RNLS: variants seen among roughly 807,000 people sequenced by gnomAD.
RNLS encodes the protein renalase.
Under a neutral mutation model 39.8 loss-of-function variants are expected in RNLS, and 39 were observed. That is an observed-to-expected ratio of 0.98 (90% confidence interval 0.76 to 1.28). RNLS has a LOEUF of 1.28. Ranked by LOEUF, RNLS falls within the 50% of genes most tolerant of loss-of-function variation. The probability of loss-of-function intolerance (pLI) is 0.00; values close to 1 mark genes in which losing one functional copy is unlikely to be tolerated. For synonymous variants in RNLS, 147 were observed against 150.7 expected, an observed-to-expected ratio of 0.98 and a Z score of 0.18; for missense variants, 410 against 413.3, an observed-to-expected ratio of 0.99 and a Z score of 0.07.
At chr10:88,235,267 CAA>C in the RNLS span, among the ~76,000 whole-genome samples, 153 of 61,938 alleles carry the variant, frequency 2.5e-3, no homozygotes, top group African/African-American at 8.5e-3. Context: ...GACTCTATCT[CAA>C]AAAAAAAAAA....
At chr10:88,441,029 T>A (rs543593352) in intron 4 of RNLS, among the ~76,000 whole-genome samples, 1 of 152,318 alleles carries the variant, frequency 6.6e-6, no homozygotes, top group South Asian at 2.1e-4. Context: ...ATGAGTCGAG[T>A]TGAGAGAAAT....
intron 4 of RNLS, among the ~76,000 whole-genome samples, chr10:88,464,183 C>G (rs1843084673): frequency 6.6e-6 from 1 of 151,988 alleles, no homozygotes; most frequent in African/African-American, 2.4e-5. Context: ...TAGCTAATAT[C>G]CATGCATTAA....
At chr10:88,391,135 T>C (rs1852172663) in intron 4 of RNLS, among the ~76,000 whole-genome samples, 1 of 152,236 alleles carries the variant, frequency 6.6e-6, no homozygotes, top group African/African-American at 2.4e-5. Flanking sequence ...CAATTCAAAG[T>C]GATTATACAA....
chr10:88,424,904 T>G (rs1409787267), intron 4 of RNLS, among the ~76,000 whole-genome samples: 1 of 152,114 alleles, frequency 6.6e-6, no homozygotes, highest in African/African-American at 2.4e-5. Flanking sequence ...TGGTCATGCT[T>G]TTTTCTTCAT....
intron 4 of RNLS, among the ~76,000 whole-genome samples, chr10:88,427,065 G>T (rs968437376): frequency 6.6e-6 from 1 of 151,924 alleles, no homozygotes; most frequent in Non-Finnish European, 1.5e-5. Context: ...CTCCCCACAG[G>T]TACCATTATT....
intron 4 of RNLS, among the ~76,000 whole-genome samples, chr10:88,411,489 C>G (rs1335804057): frequency 6.6e-6 from 1 of 151,308 alleles, no homozygotes; most frequent in Non-Finnish European, 1.5e-5. Flanking sequence ...TTCATTCACT[C>G]TCACATTTGG....
At position 88,545,479 on chromosome 10, in the gene RNLS, A is replaced by T. The variant is rs753079934; in HGVS notation, c.526+27424T>A. On this transcript the variant is annotated intron_variant, in intron 4 of 6. Coordinates refer to ENST00000331772, the MANE Select transcript of RNLS (RefSeq NM_001031709.3). The stretch of plus-strand genomic sequence containing the variant: ...TACGTGGTGGCAGGCAAGACAGCAT[A>T]TGTACAACTGCCCTTTACAAAACCA... The T allele has an allele frequency of 8.8e-5, 40 of 456,146 alleles. 1 individual carries two copies. Among genetic ancestry groups the T allele is most frequent in the South Asian group, 6.2e-4 (40 of 64,518 alleles). The allele number at this position is 456,146 out of a possible 1,614,324, so 28.3% of individuals were successfully genotyped here. A position where few individuals can be genotyped will look rare whatever the true frequency, so the allele number is the denominator to read the frequency against.
chr10:88,415,068 C>T (rs191290786), intron 4 of RNLS, among the ~76,000 whole-genome samples: 1 of 152,280 alleles, frequency 6.6e-6, no homozygotes, highest in East Asian at 1.9e-4. Flanking sequence ...GCAGACAATG[C>T]TCCTGGCATG....
chr10:88,344,399 AG>A (rs1848172477), intron 5 of RNLS, among the ~76,000 whole-genome samples: 1 of 152,128 alleles, frequency 6.6e-6, no homozygotes, highest in Non-Finnish European at 1.5e-5. Flanking sequence ...CCTTTTGTGG[AG>A]GAAATCTACT....
intron 4 of RNLS, among the ~76,000 whole-genome samples, chr10:88,483,768 G>A (rs1391577100): frequency 6.6e-6 from 1 of 151,126 alleles, no homozygotes; most frequent in Non-Finnish European, 1.5e-5. Context: ...CACATATTTT[G>A]TATTAAAAAA....
chr10:88,466,658 T>C (rs1470541992), intron 4 of RNLS, among the ~76,000 whole-genome samples: 2 of 151,990 alleles, frequency 1.3e-5, no homozygotes, highest in East Asian at 1.9e-4. Context: ...ACAGGAAAAA[T>C]AGCACAGAAC....
At chr10:88,377,547 T>TG (rs986115219) in intron 4 of RNLS, among the ~76,000 whole-genome samples, 2 of 152,202 alleles carry the variant, frequency 1.3e-5, no homozygotes, top group African/African-American at 4.8e-5. Context: ...GTTACTGTAC[T>TG]GAATACTACA....
intron 4 of RNLS, among the ~76,000 whole-genome samples, chr10:88,562,264 GA>G (rs1305978950): frequency 2.0e-5 from 3 of 151,714 alleles, no homozygotes; most frequent in Non-Finnish European, 2.9e-5. Flanking sequence ...ATTTAATAGA[GA>G]AAAAAACTGG....
chr10:88,284,717 G>C lies in RNLS; in HGVS notation c.*637C>G. On this transcript the variant is annotated 3_prime_UTR_variant, in exon 7 of 7. Transcript: ENST00000331772. The stretch of plus-strand genomic sequence containing the variant: ...ATTTGTTTGAAAGTTAAAAAGTACT[G>C]TGTGGCTGGGAAAATCATGTGGAAT... 1.0e-6 allele frequency: 1 copy of C among 985,296 alleles called. No individual in the cohort carries two copies. Among genetic ancestry groups the C allele is most frequent in the Non-Finnish European group, 1.2e-6 (1 of 829,896 alleles). The allele number at this position is 985,296 out of a possible 1,614,324, so 61.0% of individuals were successfully genotyped here.
chr10:88,210,341 A>G, the RNLS span, among the ~76,000 whole-genome samples: 1 of 152,190 alleles, frequency 6.6e-6, no homozygotes, highest in Non-Finnish European at 1.5e-5. Context: ...GAAGATGAAG[A>G]AAATGTTGAG....
chr10:88,444,018 G>A (rs1841890043), intron 4 of RNLS, among the ~76,000 whole-genome samples: 1 of 152,250 alleles, frequency 6.6e-6, no homozygotes, highest in Non-Finnish European at 1.5e-5. Context: ...CGGACAGACT[G>A]CCTCCTCAAG....
chr10:88,226,169 T>G, the RNLS span, among the ~76,000 whole-genome samples: 28 of 152,352 alleles, frequency 1.8e-4, 1 homozygote, highest in African/African-American at 5.8e-4. Context: ...TGCCAGATAT[T>G]ACAATCCAAG....
intron 3 of RNLS, among the ~76,000 whole-genome samples, chr10:88,579,764 T>G (rs1258762311): frequency 6.6e-6 from 1 of 152,220 alleles, no homozygotes; most frequent in Non-Finnish European, 1.5e-5. Context: ...GTCAATTTTA[T>G]GTGTCAACTT....
chr10:88,461,216 C>A lies in RNLS; in HGVS notation c.527-98491G>T, dbSNP rs1842918752. On this transcript the variant is annotated intron_variant, in intron 4 of 6. Coordinates refer to ENST00000331772, the MANE Select transcript of RNLS (RefSeq NM_001031709.3). ...CTCAAGTTATGTCCTCAAGGCTCAGCATCTATCCAGGGCTCAAGCAGAAAT... is the reference window on the plus strand; with the variant it reads ...CTCAAGTTATGTCCTCAAGGCTCAGAATCTATCCAGGGCTCAAGCAGAAAT... Among the ~76,000 whole-genome samples, 3 of 152,084 alleles carry A rather than the reference C, an allele frequency of 2.0e-5. No homozygotes were observed. In the South Asian group the frequency reaches 6.2e-4, roughly 32 times the overall value.
Sources: gnomAD v4.1 joint callset for allele counts (sites outside exome capture counted in the v4.1 genomes callset) on GRCh38, gnomAD v4.1.1 for gene constraint, MANE v1.5 for transcripts, NCBI Gene and HGNC (gene_info 2026-07-23, HGNC 2026-07-21) for gene names.